MCPH1: variants seen among roughly 807,000 people sequenced by gnomAD.
The protein encoded by MCPH1 is microcephalin 1, also known as microcephalin.
Under a neutral mutation model 84.5 loss-of-function variants are expected in MCPH1, and 104 were observed. The ratio of observed to expected loss-of-function variants is 1.23; its 90% confidence interval spans 1.05 to 1.45. MCPH1 has a LOEUF of 1.45. Among genes scored for constraint, MCPH1 ranks in the 40% most tolerant of loss-of-function variants. The pLI is 0.00. For missense variants in MCPH1, 1,498 were observed against 1,005.7 expected, an observed-to-expected ratio of 1.49 and a Z score of -6.62; for synonymous variants, 514 against 366.8, an observed-to-expected ratio of 1.40 and a Z score of -4.58.
intron 11 of MCPH1, among the ~76,000 whole-genome samples, chr8:6,491,378 T>G (rs1810562601): frequency 7.3e-6 from 1 of 137,920 alleles, no homozygotes; most frequent in Non-Finnish European, 1.7e-5. Context: ...GTTTCTTTCT[T>G]TTTTTTTTTT....
chr8:6,506,064 T>C (rs1205153594), intron 12 of MCPH1, among the ~76,000 whole-genome samples: 2 of 149,938 alleles, frequency 1.3e-5, no homozygotes, highest in Non-Finnish European at 3.0e-5. Flanking sequence ...ATGTTGTGTT[T>C]ATACATTGGT....
chr8:6,442,129 A>G lies in MCPH1; in HGVS notation c.643A>G (p.Asn215Asp). The change falls in exon 7 of 14, where the codon AAC (asparagine) becomes GAC (aspartate). Residue 215 changes from asparagine to aspartate, a missense_variant. Asn to Asp is a conservative substitution (Grantham distance 23). Transcript: ENST00000344683. ...PSNSLCEAPL[N>D]ISRDTLCSDE... The stretch of plus-strand genomic sequence containing the variant: ...TAACTCTCTGTGTGAAGCACCTTTG[A>G]ACATTTCACGTGATACTTTGTGTTC... The G allele has an allele frequency of 6.2e-7, 1 of 1,612,218 alleles. No homozygotes were observed. The highest frequency in any genetic ancestry group is 8.5e-7 in the Non-Finnish European group (1 of 1,178,330).
intron 9 of MCPH1, among the ~76,000 whole-genome samples, chr8:6,465,924 G>GATGCATCCATCCATCCATCC (rs368134296): frequency 8.0e-4 from 119 of 148,352 alleles, no homozygotes; most frequent in South Asian, 4.5e-3. Flanking sequence ...TTTATCTATC[G>GATGCATCCATCCATCCATCC]ATCCATCCAT....
chr8:6,538,140 C>T (rs1450993903), intron 12 of MCPH1, among the ~76,000 whole-genome samples: 1 of 152,144 alleles, frequency 6.6e-6, no homozygotes, highest in African/African-American at 2.4e-5. Context: ...TCCATCTTCC[C>T]ACCCAGCCCT....
Position 6,436,148 on chromosome 8 carries a change from A to G in MCPH1, c.422A>G (p.Gln141Arg). 1 of 1,613,442 alleles carries G rather than the reference A, an allele frequency of 6.2e-7. No individual in the cohort carries two copies. The stretch of plus-strand genomic sequence containing the variant: ...AAAATGGCTAAAGAGCTACAAAGGC[A>G]AAAAACAAATCTAGGTAAGCTAAGA... ...FEKMAKELQR[Q>R]KTNLDDDVPI... The change falls in exon 5 of 14, where the codon CAA (glutamine) becomes CGA (arginine). Residue 141 changes from glutamine to arginine, a missense_variant. Gln to Arg is a conservative substitution (Grantham distance 43, BLOSUM62 1). Transcript: ENST00000344683.
At chr8:6,460,212 A>T (rs992150416) in intron 9 of MCPH1, among the ~76,000 whole-genome samples, 1 of 150,314 alleles carries the variant, frequency 6.7e-6, no homozygotes, top group Non-Finnish European at 1.5e-5. Flanking sequence ...ATGTCTCATG[A>T]TTTTCCTCTA....
chr8:6,553,665 ATT>A (rs752171739), intron 12 of MCPH1, among the ~76,000 whole-genome samples: 218 of 142,800 alleles, frequency 1.5e-3, no homozygotes, highest in African/African-American at 4.6e-3. Flanking sequence ...TGGTCTCAAA[ATT>A]TTTTTTTTTT....
Position 6,505,325 on chromosome 8 carries a change from A to G in MCPH1, c.2214+5396A>G, listed in dbSNP as rs1205478422. 1.1e-4 allele frequency among the ~76,000 whole-genome samples: 6 copies of G among 55,998 alleles called. 1 individual carries two copies. Among genetic ancestry groups the G allele is most frequent in the African/African-American group, 5.4e-4 (5 of 9,260 alleles). The allele number at this position is 55,998 out of a possible 152,430, so 36.7% of individuals were successfully genotyped here. A position where few individuals can be genotyped will look rare whatever the true frequency, so the allele number is the denominator to read the frequency against. On this transcript the variant is annotated intron_variant, in intron 12 of 13. Transcript: ENST00000344683. ...TATGTATATAACATATATATGTTAT[A>G]TACATATAGAAAGAATATATATATT...
At chr8:6,430,064 C>G (rs537149066) in intron 3 of MCPH1, among the ~76,000 whole-genome samples, 1 of 152,336 alleles carries the variant, frequency 6.6e-6, no homozygotes, top group African/African-American at 2.4e-5. Flanking sequence ...TGCTCTGCTT[C>G]CAGATGGAAG....
At position 6,446,765 on chromosome 8, in the gene MCPH1, G is replaced by T; in HGVS notation, c.1825+1218G>T. Reference sequence around the variant, plus strand: ...TTTTGAATAATAATGACATGGAAATGTAAATTAAGTAGGAAAAAGCTGGTA... The same window carrying T: ...TTTTGAATAATAATGACATGGAAATTTAAATTAAGTAGGAAAAAGCTGGTA... On this transcript the variant is annotated intron_variant, in intron 8 of 13. Coordinates refer to ENST00000344683, the MANE Select transcript of MCPH1 (RefSeq NM_024596.5). 3.0e-6 allele frequency: 3 copies of T among 985,272 alleles called. No individual in the cohort carries two copies. In the African/African-American group the frequency reaches 5.2e-5, roughly 17 times the overall value. The allele number at this position is 985,272 out of a possible 1,614,324, so 61.0% of individuals were successfully genotyped here.
intron 13 of MCPH1, among the ~76,000 whole-genome samples, chr8:6,628,323 T>C (rs1022099888): frequency 2.0e-5 from 3 of 151,644 alleles, no homozygotes; most frequent in African/African-American, 4.8e-5. Flanking sequence ...ACAGAAAAAT[T>C]AGCCGGTCGT....
chr8:6,447,424 T>C (rs998272302), intron 8 of MCPH1: 20 of 985,260 alleles, frequency 2.0e-5, no homozygotes, highest in Admixed American at 6.1e-5. Context: ...AGTTCACTTT[T>C]ACTTGTTGCT....
intron 3 of MCPH1, among the ~76,000 whole-genome samples, chr8:6,420,744 C>G (rs554103831): frequency 6.6e-6 from 1 of 152,132 alleles, no homozygotes; most frequent in African/African-American, 2.4e-5. Context: ...CATTTTGTTT[C>G]TTATACATAA....
chr8:6,570,173 T>C (rs966316802), intron 12 of MCPH1, among the ~76,000 whole-genome samples: 1 of 152,226 alleles, frequency 6.6e-6, no homozygotes, highest in African/African-American at 2.4e-5. Flanking sequence ...GCTGGAAGAA[T>C]ATGATGTATG....
intron 11 of MCPH1, among the ~76,000 whole-genome samples, chr8:6,489,964 C>G (rs1274577908): frequency 6.6e-6 from 1 of 152,218 alleles, no homozygotes; most frequent in African/African-American, 2.4e-5. Context: ...TGTTGCCACC[C>G]ATCCTTTTCC....
In MCPH1 at chr8:6,444,898, C is replaced by G; in HGVS notation, c.1176C>G (p.Asp392Glu). ...GGCTGCAGCTGTGCAGGTCGGAAGA[C>G]AGGCTGCAGCACGTGGCGGGACCTG... ...MPRLQLCRSE[D>E]RLQHVAGPAL... is the part of the protein sequence containing the mutation. The change falls in exon 8 of 14, where the codon GAC (aspartate) becomes GAG (glutamate). Residue 392 changes from aspartate to glutamate, a missense_variant. By Grantham distance (45) the Asp-to-Glu change is conservative. Transcript: ENST00000344683. 5.6e-6 allele frequency: 9 copies of G among 1,614,156 alleles called. No homozygotes were observed. Among genetic ancestry groups the G allele is most frequent in the Non-Finnish European group, 7.6e-6 (9 of 1,180,002 alleles).
At chr8:6,569,778 C>T (rs1477619579) in intron 12 of MCPH1, among the ~76,000 whole-genome samples, 1 of 152,216 alleles carries the variant, frequency 6.6e-6, no homozygotes, top group East Asian at 1.9e-4. Context: ...GATCAGCAAT[C>T]ACCATTTAGT....
chr8:6,549,258 G>A (rs1448388636), intron 12 of MCPH1, among the ~76,000 whole-genome samples: 6 of 152,226 alleles, frequency 3.9e-5, no homozygotes, highest in Non-Finnish European at 1.5e-5. Flanking sequence ...GTGTTATACA[G>A]CGAAACACTG....
intron 11 of MCPH1, among the ~76,000 whole-genome samples, chr8:6,481,653 A>G (rs1809258075): frequency 6.6e-6 from 1 of 152,232 alleles, no homozygotes; most frequent in Non-Finnish European, 1.5e-5. Flanking sequence ...CTACACATGT[A>G]TTTTCAAGAA....
Sources: allele counts gnomAD v4.1 joint callset (sites outside exome capture counted in the v4.1 genomes callset), GRCh38; gene constraint gnomAD v4.1.1; transcripts MANE v1.5; gene names NCBI Gene and HGNC (gene_info 2026-07-23, HGNC 2026-07-21).